Variants in TRIM36 observed in about 807,000 individuals in gnomAD.
The protein encoded by TRIM36 is tripartite motif containing 36, also known as E3 ubiquitin-protein ligase TRIM36.
TRIM36 carries 42 observed loss-of-function variants against 72.4 expected under a neutral mutation model. That is an observed-to-expected ratio of 0.58 (90% CI 0.45 to 0.75). The LOEUF is 0.75. TRIM36 is among the 30% of genes least tolerant of loss of function. The pLI is 0.00. For missense variants in TRIM36, 913 were observed against 857.1 expected (o/e 1.07, Z -0.81); for synonymous variants, 315 against 282.8 (o/e 1.11, Z -1.14).
At chr5:115,133,280 A>C (rs931707711) in intron 8 of TRIM36, among the ~76,000 whole-genome samples, 1 of 152,184 alleles carries the variant, frequency 6.6e-6, no homozygotes, top group Non-Finnish European at 1.5e-5. Flanking sequence ...TAGGCGCTCT[A>C]TATGTAGTAT....
chr5:115,157,433 G>C (rs1561440119), intron 2 of TRIM36, among the ~76,000 whole-genome samples: 1 of 152,130 alleles, frequency 6.6e-6, no homozygotes, highest in Non-Finnish European at 1.5e-5. Flanking sequence ...ATGTGGTGGT[G>C]CTCACTTGTA....
At chr5:115,146,542 AAAGAAATTACTCAGAATGTTT>A (rs1753603750) in intron 3 of TRIM36, among the ~76,000 whole-genome samples, 2 of 152,340 alleles carry the variant, frequency 1.3e-5, no homozygotes, top group Admixed American at 1.3e-4. Flanking sequence ...TCAGAATGTT[AAAGAAATTACTCAGAATGTTT>A]AAGAAATGCA....
intron 2 of TRIM36, among the ~76,000 whole-genome samples, chr5:115,155,217 G>A (rs559266306): frequency 1.6e-4 from 25 of 152,056 alleles, no homozygotes; most frequent in Non-Finnish European, 2.1e-4. Flanking sequence ...GTGTGGTGGC[G>A]TGAACCTGTA....
upstream of TRIM36, chr5:115,169,923 C>T: frequency 2.3e-6 from 3 of 1,279,632 alleles, no homozygotes; most frequent in Non-Finnish European, 3.0e-6. Context: ...GGGAACGGCG[C>T]CGCGCAGAGA....
chr5:115,170,864 G>A (rs1331419813), upstream of TRIM36, among the ~76,000 whole-genome samples: 4 of 152,148 alleles, frequency 2.6e-5, no homozygotes, highest in Admixed American at 2.0e-4. Flanking sequence ...GAGTGCTGCT[G>A]AACGTTAAGG....
chr5:115,179,740 C>A lies in TRIM36; in HGVS notation c.63+235G>T, dbSNP rs932326410. 3.3e-5 allele frequency among the ~76,000 whole-genome samples: 5 copies of A among 152,252 alleles called. No homozygotes were observed. The East Asian group carries it at 9.6e-4, about 29-fold the overall frequency. ...AGCCCCTATTGCTGCCCAGCTGGCC[C>A]CAAAAGCGTCCGAAAGTCCCCTCTT... On this transcript the variant is annotated intron_variant, in intron 1 of 9. Transcript: ENST00000282369.
intron 1 of TRIM36, among the ~76,000 whole-genome samples, chr5:115,175,682 T>TA (rs59146062): frequency 5.0e-4 from 76 of 150,780 alleles, no homozygotes; most frequent in African/African-American, 1.2e-3. Context: ...CGCAATATAG[T>TA]AAAAAAAAAT....
At chr5:115,152,568 C>A (rs1033840912) in intron 2 of TRIM36, among the ~76,000 whole-genome samples, 13 of 152,144 alleles carry the variant, frequency 8.5e-5, no homozygotes, top group African/African-American at 2.9e-4. Context: ...GGAACACTGT[C>A]GTCAGGTTAC....
chr5:115,134,090 AT>A lies in TRIM36; in HGVS notation c.1267del (p.Ile423Ter), dbSNP rs1404882187. On this transcript the variant is annotated frameshift_variant, in exon 8 of 10. Transcript: ENST00000513154. LOFTEE classifies it high-confidence loss of function. ...ATCCTTTTCTGGATGGTGCCAATTT[AT>A]CAAGGCATTGTTATAAACTTTGCTC... ...EQSKVYNNAL[I>X]NWHHPEKDKA... 4 of 1,613,134 alleles carry A rather than the reference AT, an allele frequency of 2.5e-6. No individual in the cohort carries two copies. The highest frequency in any genetic ancestry group is 1.3e-5 in the African/African-American group (1 of 74,884).
At chr5:115,156,524 C>G (rs1043289814) in intron 2 of TRIM36, among the ~76,000 whole-genome samples, 1 of 152,166 alleles carries the variant, frequency 6.6e-6, no homozygotes, top group Non-Finnish European at 1.5e-5. Flanking sequence ...TACTTACAGC[C>G]AACTGATCTT....
At chr5:115,170,225 G>A (rs1477657677), upstream of TRIM36, among the ~76,000 whole-genome samples, 3 of 151,996 alleles carry the variant, frequency 2.0e-5, no homozygotes, top group Non-Finnish European at 2.9e-5. Flanking sequence ...AGCGGGGAGC[G>A]GTGGGCGGGT....
At chr5:115,132,042 C>T (rs1752709059) in intron 8 of TRIM36, among the ~76,000 whole-genome samples, 1 of 151,912 alleles carries the variant, frequency 6.6e-6, no homozygotes, top group Non-Finnish European at 1.5e-5. Flanking sequence ...CTTTATTACA[C>T]CACAATTTAA....
At chr5:115,153,154 ATAAGGATTCACAAAAACT>A (rs1265617384) in intron 2 of TRIM36, among the ~76,000 whole-genome samples, 1 of 152,194 alleles carries the variant, frequency 6.6e-6, no homozygotes, top group Non-Finnish European at 1.5e-5. Flanking sequence ...CACCTAACAC[ATAAGGATTCACAAAAACT>A]TAAGGTAAAG....
chr5:115,138,453 AAAAAT>A (rs1188619602), intron 5 of TRIM36, among the ~76,000 whole-genome samples: 2 of 152,178 alleles, frequency 1.3e-5, no homozygotes, highest in Non-Finnish European at 2.9e-5. Context: ...ACTAAGATAT[AAAAAT>A]AAAAGTATCC....
At chr5:115,126,896 G>A (rs746556299) in intron 9 of TRIM36, 39 bp from the exon 10 acceptor site, 2 of 1,533,046 alleles carry the variant, frequency 1.3e-6, no homozygotes, top group Non-Finnish European at 1.8e-6. Flanking sequence ...TTCAACAATA[G>A]ATCTAAGTAT....
At chr5:115,172,661 G>A (rs1387857976), upstream of TRIM36, among the ~76,000 whole-genome samples, 3 of 151,982 alleles carry the variant, frequency 2.0e-5, no homozygotes, top group Admixed American at 6.5e-5. Context: ...ACTTGAAACC[G>A]GGAGGCAGAG....
At chr5:115,129,137 C>A (rs1174285140) in intron 9 of TRIM36, among the ~76,000 whole-genome samples, 1 of 152,206 alleles carries the variant, frequency 6.6e-6, no homozygotes, top group African/African-American at 2.4e-5. Flanking sequence ...GTTCCACATA[C>A]CCTAAGGGTG....
intron 5 of TRIM36, 80 bp from the exon 6 acceptor site, chr5:115,137,696 A>C (rs1753037622): frequency 4.3e-6 from 6 of 1,410,868 alleles, no homozygotes; most frequent in Non-Finnish European, 5.7e-6. Flanking sequence ...GGCTTTCCAC[A>C]AAGTTCTACA....
intron 5 of TRIM36, among the ~76,000 whole-genome samples, chr5:115,138,999 T>G (rs1580654261): frequency 6.6e-6 from 1 of 151,394 alleles, no homozygotes; most frequent in Non-Finnish European, 1.5e-5. Flanking sequence ...TTTTGTATTT[T>G]TAGTAGAGAT....
Sources: gnomAD v4.1 joint callset for allele counts (sites outside exome capture counted in the v4.1 genomes callset) on GRCh38, gnomAD v4.1.1 for gene constraint, MANE v1.5 for transcripts, NCBI Gene and HGNC (gene_info 2026-07-23, HGNC 2026-07-21) for gene names.